MARCHF1: variants seen among roughly 807,000 people sequenced by gnomAD.
MARCHF1 encodes the protein E3 ubiquitin-protein ligase MARCHF1.
A neutral mutation model predicts 54.2 loss-of-function variants in MARCHF1; 40 were observed. The observed-to-expected ratio is 0.74, with a 90% CI of 0.57 to 0.96. The LOEUF is 0.96. Ranked by LOEUF, MARCHF1 falls within the 40% of genes least tolerant of loss-of-function variation. The pLI, the probability that MARCHF1 is intolerant of heterozygous loss-of-function variation, is 0.00. For synonymous variants in MARCHF1, 236 were observed against 236.3 expected (o/e 1.00, Z 0.01); for missense variants, 586 against 656.5 (o/e 0.89, Z 1.17).
At chr4:164,176,230 A>G (rs1214043293) in intron 1 of MARCHF1, among the ~76,000 whole-genome samples, 1 of 152,204 alleles carries the variant, frequency 6.6e-6, no homozygotes, top group Non-Finnish European at 1.5e-5. Flanking sequence ...TGTGACAGAA[A>G]TGCCAAGGGT....
At chr4:164,185,417 A>G (rs920397442) in intron 1 of MARCHF1, among the ~76,000 whole-genome samples, 9 of 152,194 alleles carry the variant, frequency 5.9e-5, no homozygotes, top group Non-Finnish European at 8.8e-5. Flanking sequence ...ACACTTAACC[A>G]GTCTTGAGTC....
At chr4:163,681,034 A>T (rs1377079068) in intron 5 of MARCHF1, among the ~76,000 whole-genome samples, 1 of 149,946 alleles carries the variant, frequency 6.7e-6, no homozygotes, top group Non-Finnish European at 1.5e-5. Context: ...ATTAAATATT[A>T]TTTATATGTA....
intron 4 of MARCHF1, among the ~76,000 whole-genome samples, chr4:163,773,431 T>C (rs1000424470): frequency 3.3e-5 from 5 of 152,210 alleles, no homozygotes; most frequent in Non-Finnish European, 5.9e-5. Flanking sequence ...AGATGGATGA[T>C]ACCACTGAAT....
intron 4 of MARCHF1, among the ~76,000 whole-genome samples, chr4:163,748,238 T>C (rs891374433): frequency 2.0e-5 from 3 of 152,158 alleles, no homozygotes; most frequent in Admixed American, 6.5e-5. Flanking sequence ...ATTTGCGTCC[T>C]TTCCCTATAG....
chr4:163,784,695 C>T (rs545507569), intron 4 of MARCHF1, among the ~76,000 whole-genome samples: 1 of 152,150 alleles, frequency 6.6e-6, no homozygotes, highest in East Asian at 1.9e-4. Flanking sequence ...AACTGGAAGA[C>T]AGTGACATTT....
At chr4:163,751,251 T>G (rs539015181) in intron 4 of MARCHF1, among the ~76,000 whole-genome samples, 1 of 151,894 alleles carries the variant, frequency 6.6e-6, no homozygotes, top group Admixed American at 6.6e-5. Context: ...CATTATAGCC[T>G]CAAACTCCTG....
At chr4:163,639,517 T>G (rs1422874608) in intron 5 of MARCHF1, among the ~76,000 whole-genome samples, 1 of 152,164 alleles carries the variant, frequency 6.6e-6, no homozygotes, top group Non-Finnish European at 1.5e-5. Flanking sequence ...AATGCCAAAA[T>G]AAAATTCAGT....
At chr4:164,232,640 CATAA>C (rs1485934168) in intron 1 of MARCHF1, among the ~76,000 whole-genome samples, 1 of 152,104 alleles carries the variant, frequency 6.6e-6, no homozygotes, top group Admixed American at 6.6e-5. Flanking sequence ...TCCTTTTAAT[CATAA>C]ATAATTGCTT....
At chr4:164,100,212 G>A (rs1467654521) in intron 2 of MARCHF1, among the ~76,000 whole-genome samples, 1 of 121,126 alleles carries the variant, frequency 8.3e-6, no homozygotes, top group Non-Finnish European at 1.8e-5. Context: ...TAAAACAATA[G>A]CAAGAGAAAC....
chr4:163,597,596 T>G (rs1418298623), intron 7 of MARCHF1, among the ~76,000 whole-genome samples: 1 of 152,212 alleles, frequency 6.6e-6, no homozygotes, highest in African/African-American at 2.4e-5. Flanking sequence ...TATTTTTAAA[T>G]TTTATTTCTA....
intron 1 of MARCHF1, among the ~76,000 whole-genome samples, chr4:164,284,355 AGAGAGAGC>A (rs1734096009): frequency 6.7e-6 from 1 of 150,318 alleles, no homozygotes. Context: ...AGAGAGAGAG[AGAGAGAGC>A]AAGAACAAGC....
At chr4:164,143,198 G>GA (rs1166004095) in intron 1 of MARCHF1, among the ~76,000 whole-genome samples, 1 of 152,048 alleles carries the variant, frequency 6.6e-6, no homozygotes, top group African/African-American at 2.4e-5. Context: ...ACGTCTGATT[G>GA]CTGTACCTGA....
At chr4:163,540,912 G>A (rs1455594584) in intron 9 of MARCHF1, among the ~76,000 whole-genome samples, 6 of 152,288 alleles carry the variant, frequency 3.9e-5, no homozygotes, top group African/African-American at 1.4e-4. Flanking sequence ...AACTTGGGAG[G>A]CTAAGGCAGG....
In MARCHF1 at chr4:164,274,659, C is replaced by CTTCTTTTTTTTTTTTTTTTT. The variant is rs1733826760; in HGVS notation, c.-323+109210_-323+109211insAAAAAAAAAAAAAAAAAGAA. 6.0e-4 allele frequency among the ~76,000 whole-genome samples: 27 copies of CTTCTTTTTTTTTTTTTTTTT among 44,658 alleles called. 8 individuals carry two copies. The highest frequency in any genetic ancestry group is 1.3e-3 in the African/African-American group (18 of 13,418). The allele number at this position is 44,658 out of a possible 152,430, so 29.3% of individuals were successfully genotyped here. On this transcript the variant is annotated intron_variant, in intron 1 of 9. Transcript: ENST00000514618. ...CGCTTGATGTGTGCTTCAGGGTACA[C>CTTCTTTTTTTTTTTTTTTTT]TTTTTTTTTTTTTTTTTTTTTTTTT...
chr4:164,029,839 C>T (rs963423981), intron 2 of MARCHF1, among the ~76,000 whole-genome samples: 2 of 152,210 alleles, frequency 1.3e-5, no homozygotes, highest in Admixed American at 6.5e-5. Flanking sequence ...AGGTGATCCA[C>T]CCACCTTGGT....
At chr4:164,146,203 C>A (rs866771832) in intron 1 of MARCHF1, among the ~76,000 whole-genome samples, 5 of 145,626 alleles carry the variant, frequency 3.4e-5, no homozygotes, top group Non-Finnish European at 7.5e-5. Flanking sequence ...ACATTCCATG[C>A]TCATGGGTAG....
chr4:164,121,053 A>G (rs1380209850), intron 1 of MARCHF1, among the ~76,000 whole-genome samples: 1 of 152,088 alleles, frequency 6.6e-6, no homozygotes, highest in Non-Finnish European at 1.5e-5. Context: ...TTTTTTTGAA[A>G]AGTTAAAAGA....
rs977174039 is a variant in MARCHF1, at chr4:163,612,318, C to G, written c.963G>C (p.Lys321Asn). ...AGLQVNNPVQ[K>N]PPATYDDGSD... ...ACCCATCGTCATAGGTGGCAGGAGG[C>G]TTCTGAACAGGGTTATTCACCTGGA... Residue 321 changes from lysine (K) to asparagine (N), a missense_variant, in exon 7 of 10, where the codon AAG becomes AAC. This residue lies in a region of MARCHF1 where 387 missense variants were observed against 394.6 expected (regional missense o/e 0.98). Transcript: ENST00000514618. 4 of 1,527,778 alleles carry G rather than the reference C, an allele frequency of 2.6e-6. No individual in the cohort carries two copies. The allele number at this position is 1,527,778 out of a possible 1,614,324, so 94.6% of individuals were successfully genotyped here. A position where few individuals can be genotyped will look rare whatever the true frequency, so the allele number is the denominator to read the frequency against.
rs186493220 is a variant in MARCHF1 at position 164,082,783 on chromosome 4, C to A, written c.-248+28805G>T. On this transcript the variant is annotated intron_variant, in intron 2 of 9. Transcript: ENST00000514618. ...GTCCTGAAATTAACCATATTTAGTG[C>A]CTTCATCCTAACTTGCAATCCATTT... is the stretch of plus-strand genomic sequence containing the variant. 2.7e-3 allele frequency among the ~76,000 whole-genome samples: 410 copies of A among 152,238 alleles called. 9 individuals are homozygous for A. Among genetic ancestry groups the A allele is most frequent in the Non-Finnish European group, 1.4e-3 (92 of 67,998 alleles).
Sources: allele counts gnomAD v4.1 joint callset (sites outside exome capture counted in the v4.1 genomes callset), GRCh38; gene constraint gnomAD v4.1.1; regional missense constraint gnomAD v4.1.1; transcripts MANE v1.5; gene names NCBI Gene and HGNC (gene_info 2026-07-23, HGNC 2026-07-21).